FOXJ3: variants seen among roughly 807,000 people sequenced by gnomAD.
FOXJ3 encodes the protein forkhead box J3, also known as forkhead box protein J3.
FOXJ3 carries 22 observed loss-of-function variants against 76.1 expected under a neutral mutation model. The observed-to-expected ratio is 0.29, with a 90% CI of 0.21 to 0.41. FOXJ3 has a LOEUF of 0.41. Ranked by LOEUF, FOXJ3 falls within the 10% of genes least tolerant of loss-of-function variation. The probability of loss-of-function intolerance (pLI) is 1.00; values close to 1 mark genes in which losing one functional copy is unlikely to be tolerated. For synonymous variants in FOXJ3, 269 were observed against 261.2 expected (o/e 1.03, Z -0.29); for missense variants, 613 against 762.1 (o/e 0.80, Z 2.30).
intron 3 of FOXJ3, among the ~76,000 whole-genome samples, chr1:42,278,050 C>T (rs1000364538): frequency 1.3e-5 from 2 of 151,228 alleles, no homozygotes; most frequent in Admixed American, 6.6e-5. Context: ...CGTTGTTTTT[C>T]ACTTTAGGCT....
chr1:42,290,438 G>A (rs965313004), intron 2 of FOXJ3, among the ~76,000 whole-genome samples: 1 of 152,054 alleles, frequency 6.6e-6, no homozygotes. Context: ...GGTATGAAAA[G>A]GAGTGAAAAA....
rs201261839 is a variant in FOXJ3 at position 42,191,537 on chromosome 1, G to A, written c.1117C>T (p.Pro373Ser). Residue 373 changes from proline (P) to serine (S), a missense_variant, in exon 9 of 13, where the codon CCC (proline) becomes TCC (serine). Coordinates refer to ENST00000361346, the MANE Select transcript of FOXJ3 (RefSeq NM_014947.5). ...NSVAQVSLSH[P>S]QMHTQPSPHP... ...GGAGATGGCTGTGTGTGCATCTGGGGGTGAGACAGTGAGACCTGTGCAACC... is the reference window on the plus strand; with the variant it reads ...GGAGATGGCTGTGTGTGCATCTGGGAGTGAGACAGTGAGACCTGTGCAACC... The A allele has an allele frequency of 2.9e-5, 46 of 1,613,952 alleles. No homozygotes were observed. Among genetic ancestry groups the A allele is most frequent in the Non-Finnish European group, 3.8e-5 (45 of 1,179,998 alleles).
chr1:42,270,240 T>C (rs1208725535), intron 3 of FOXJ3, among the ~76,000 whole-genome samples: 2 of 152,210 alleles, frequency 1.3e-5, no homozygotes, highest in African/African-American at 2.4e-5. Flanking sequence ...AGGGAAGCCC[T>C]TTCTGGTGTT....
In FOXJ3 at chr1:42,327,752, C is replaced by G. The variant is rs142181926; in HGVS notation, c.-18+7307G>C. Among the ~76,000 whole-genome samples the G allele has an allele frequency of 9.9e-5, 15 of 152,256 alleles. 1 individual carries two copies. The highest frequency in any genetic ancestry group is 3.4e-4 in the African/African-American group (14 of 41,530). On this transcript the variant is annotated intron_variant, in intron 1 of 12. Coordinates refer to ENST00000361346, the MANE Select transcript of FOXJ3 (RefSeq NM_014947.5). ...TTAATAAGGTCACACTGGCACCACA[C>G]TCTACCAATCAATCAGAAGATCAAT... is the stretch of plus-strand genomic sequence containing the variant.
At chr1:42,266,284 T>G (rs1420328621) in intron 3 of FOXJ3, among the ~76,000 whole-genome samples, 1 of 152,120 alleles carries the variant, frequency 6.6e-6, no homozygotes, top group Non-Finnish European at 1.5e-5. Context: ...AGCAGAAATT[T>G]AAAACTTATG....
intron 2 of FOXJ3, among the ~76,000 whole-genome samples, chr1:42,304,319 C>CAT (rs1654333157): frequency 6.6e-6 from 1 of 151,954 alleles, no homozygotes; most frequent in Admixed American, 6.6e-5. Flanking sequence ...TTAAAATGTA[C>CAT]ATACTACACA....
At chr1:42,236,806 T>C (rs1648674906) in intron 4 of FOXJ3, among the ~76,000 whole-genome samples, 1 of 152,202 alleles carries the variant, frequency 6.6e-6, no homozygotes, top group South Asian at 2.1e-4. Context: ...TTTTCCGTCC[T>C]TGCCAACACT....
At chr1:42,246,512 T>C (rs1649566584) in intron 4 of FOXJ3, among the ~76,000 whole-genome samples, 1 of 151,868 alleles carries the variant, frequency 6.6e-6, no homozygotes, top group Non-Finnish European at 1.5e-5. Flanking sequence ...ATAGCTGTGA[T>C]TAAAAAGACA....
At chr1:42,235,025 C>A (rs1043386921) in intron 4 of FOXJ3, among the ~76,000 whole-genome samples, 1 of 152,190 alleles carries the variant, frequency 6.6e-6, no homozygotes, top group African/African-American at 2.4e-5. Context: ...GTAAGGCAGG[C>A]CTCCTTGAGC....
At position 42,234,049 on chromosome 1, in the gene FOXJ3, A is replaced by C. The variant is rs144689910; in HGVS notation, c.445-6083T>G. 2.6e-5 allele frequency among the ~76,000 whole-genome samples: 4 copies of C among 152,180 alleles called. 1 individual carries two copies. Among genetic ancestry groups the C allele is most frequent in the African/African-American group, 9.6e-5 (4 of 41,512 alleles). On this transcript the variant is annotated intron_variant, in intron 4 of 12. Transcript: ENST00000361346. Reference sequence around the variant, plus strand: ...CAGGCCTTTTCTGCATCTGATATAGATTTGGTCTTTTCACATAGTCCCATA... The same window carrying C: ...CAGGCCTTTTCTGCATCTGATATAGCTTTGGTCTTTTCACATAGTCCCATA...
rs1256003745 is a variant in FOXJ3, at chr1:42,237,405, C to CATACATAT, written c.445-9440_445-9439insATATGTAT. ...ATATATATATATACATACATACATA[C>CATACATAT]ATATATATATATATATATATATACA... On this transcript the variant is annotated intron_variant, in intron 4 of 12. Transcript: ENST00000361346. Among the ~76,000 whole-genome samples, 6 of 140,772 alleles carry CATACATAT rather than the reference C, an allele frequency of 4.3e-5. 1 individual carries two copies. Among genetic ancestry groups the CATACATAT allele is most frequent in the African/African-American group, 1.1e-4 (4 of 37,234 alleles). The allele number at this position is 140,772 out of a possible 152,430, so 92.4% of individuals were successfully genotyped here. A position where few individuals can be genotyped will look rare whatever the true frequency, so the allele number is the denominator to read the frequency against.
intron 3 of FOXJ3, among the ~76,000 whole-genome samples, chr1:42,267,034 T>C (rs1021978910): frequency 2.0e-5 from 3 of 152,028 alleles, no homozygotes; most frequent in Non-Finnish European, 2.9e-5. Flanking sequence ...ACAGATACCA[T>C]GTAGAGGTCT....
intron 4 of FOXJ3, among the ~76,000 whole-genome samples, chr1:42,245,807 TAGTCAGCAC>T (rs1202193432): frequency 4.6e-5 from 7 of 152,136 alleles, no homozygotes; most frequent in Admixed American, 3.3e-4. Flanking sequence ...ACTGAAGTCC[TAGTCAGCAC>T]AGTCAGGCAA....
chr1:42,208,519 AG>A (rs1646903312), intron 5 of FOXJ3, among the ~76,000 whole-genome samples: 7 of 152,250 alleles, frequency 4.6e-5, no homozygotes, highest in Admixed American at 3.9e-4. Flanking sequence ...TCAACAAAAA[AG>A]GTATAGAAGG....
At chr1:42,256,043 A>T (rs577809137) in intron 4 of FOXJ3, among the ~76,000 whole-genome samples, 15 of 152,342 alleles carry the variant, frequency 9.8e-5, no homozygotes, top group East Asian at 1.9e-4. Context: ...ATTAAGAAGA[A>T]CATTTCATAA....
intron 6 of FOXJ3, among the ~76,000 whole-genome samples, chr1:42,205,181 C>T (rs1646837545): frequency 6.6e-6 from 1 of 152,124 alleles, no homozygotes; most frequent in South Asian, 2.1e-4. Context: ...GATTAAGAAA[C>T]TGTCTTATAA....
intron 2 of FOXJ3, 56 bp downstream of exon 2, chr1:42,310,994 G>C: frequency 9.4e-7 from 1 of 1,059,826 alleles, no homozygotes; most frequent in Non-Finnish European, 1.4e-6. Flanking sequence ...GAGGTGACCA[G>C]TCTAACTTTT....
intron 2 of FOXJ3, among the ~76,000 whole-genome samples, chr1:42,306,340 T>C (rs1445747668): frequency 7.6e-6 from 1 of 131,506 alleles, no homozygotes; most frequent in Non-Finnish European, 1.6e-5. Flanking sequence ...TCTCACTCTG[T>C]CACCCAGGCT....
intron 4 of FOXJ3, among the ~76,000 whole-genome samples, chr1:42,242,221 A>G (rs972336171): frequency 2.6e-5 from 4 of 152,040 alleles, no homozygotes; most frequent in Non-Finnish European, 4.4e-5. Flanking sequence ...AAAATACAAC[A>G]CCTCCAAAGA....
Sources: gnomAD v4.1 joint callset for allele counts (sites outside exome capture counted in the v4.1 genomes callset) on GRCh38, gnomAD v4.1.1 for gene constraint, MANE v1.5 for transcripts, NCBI Gene and HGNC (gene_info 2026-07-23, HGNC 2026-07-21) for gene names.